Variants in EIF4E1B observed in about 807,000 individuals in gnomAD.
EIF4E1B encodes the protein eukaryotic translation initiation factor 4E type 1B.
EIF4E1B carries 22 observed loss-of-function variants against 31.3 expected under a neutral mutation model. The observed-to-expected ratio is 0.70, with a 90% CI of 0.50 to 1.00. The LOEUF (loss-of-function observed/expected upper bound fraction) is 1.00. EIF4E1B is among the 50% of genes least tolerant of loss of function. The probability of loss-of-function intolerance (pLI) is 0.00; values close to 1 mark genes in which losing one functional copy is unlikely to be tolerated. For missense variants in EIF4E1B, 290 were observed against 311.6 expected (o/e 0.93, Z 0.52); for synonymous variants, 126 against 120.2 (o/e 1.05, Z -0.31).
intron 1 of EIF4E1B, among the ~76,000 whole-genome samples, chr5:176,634,945 G>A (rs1760469861): frequency 6.6e-6 from 1 of 152,134 alleles, no homozygotes; most frequent in African/African-American, 2.4e-5. Flanking sequence ...TGGGATTACA[G>A]GCATGAGCCA....
rs996610932 is a variant in EIF4E1B, at chr5:176,643,197, C to T, written c.131C>T (p.Ser44Phe). 2 of 1,613,680 alleles carry T rather than the reference C, an allele frequency of 1.2e-6. No homozygotes were observed. Among genetic ancestry groups the T allele is most frequent in the South Asian group, 2.2e-5 (2 of 91,072 alleles). The change falls in exon 4 of 9, where the codon TCT (serine) becomes TTT (phenylalanine). Residue 44 changes from serine to phenylalanine, a missense_variant. Coordinates refer to ENST00000318682, the MANE Select transcript of EIF4E1B (RefSeq NM_001099408.2). ...CCAAACTCTCCCAGGACTTTGCTGT[C>T]TCTGAGAGGGAAGGCCCGGACGGGG... is the stretch of plus-strand genomic sequence containing the variant. ...KSPNSPRTLL[S>F]LRGKARTGGP...
intron 1 of EIF4E1B, among the ~76,000 whole-genome samples, chr5:176,639,820 G>A (rs1001999694): frequency 2.0e-5 from 3 of 151,892 alleles, no homozygotes; most frequent in Admixed American, 6.6e-5. Flanking sequence ...CCAGTTTCTC[G>A]GGAGGCTGAG....
chr5:176,639,585 G>T (rs59354980), intron 1 of EIF4E1B, among the ~76,000 whole-genome samples: 1 of 152,060 alleles, frequency 6.6e-6, no homozygotes, highest in Non-Finnish European at 1.5e-5. Flanking sequence ...GACCATGCCC[G>T]GTACTGGGGG....
chr5:176,633,208 G>GTTTT (rs544990650), intron 1 of EIF4E1B, among the ~76,000 whole-genome samples: 39 of 143,244 alleles, frequency 2.7e-4, no homozygotes, highest in African/African-American at 8.2e-4. Flanking sequence ...GCTGTCCAGT[G>GTTTT]TTTTTTTTGT....
Position 176,643,674 on chromosome 5 carries a change from G to C in EIF4E1B, c.236G>C (p.Arg79Pro). Residue 79 changes from arginine (R) to proline (P), a missense_variant, in exon 5 of 9, where the codon CGG (arginine) becomes CCG (proline). Transcript: ENST00000318682. Reference protein sequence around the residue: ...ALWFFKNDRSRAWQDNLHLVT... With the variant: ...ALWFFKNDRSPAWQDNLHLVT... The stretch of plus-strand genomic sequence containing the variant: ...TGGTTCTTCAAGAATGACCGCAGCC[G>C]GGCCTGGCAGGACAACCTGCACCTG... 6.2e-7 allele frequency: 1 copy of C among 1,612,428 alleles called. No homozygotes were observed. Among genetic ancestry groups the C allele is most frequent in the Non-Finnish European group, 8.5e-7 (1 of 1,179,220 alleles).
At chr5:176,640,893 C>T (rs747238606) in intron 1 of EIF4E1B, among the ~76,000 whole-genome samples, 1 of 152,226 alleles carries the variant, frequency 6.6e-6, no homozygotes, top group Non-Finnish European at 1.5e-5. Flanking sequence ...CTCCCCGACC[C>T]AGTTAATTAT....
chr5:176,642,865 C>CCCCCCCCCCCCG lies in EIF4E1B; in HGVS notation c.15+63_15+64insCCCCCCCCCCCG, dbSNP rs56115420. The CCCCCCCCCCCCG allele has an allele frequency of 1.2e-3, 1,402 of 1,172,392 alleles. 152 individuals carry two copies. The highest frequency in any genetic ancestry group is 3.8e-3 in the South Asian group (206 of 54,678). The allele number at this position is 1,172,392 out of a possible 1,614,324, so 72.6% of individuals were successfully genotyped here. ...GCCCCGCCCTCTCCCCCCCCCCCCC[C>CCCCCCCCCCCCG]GCCCCAGGTGGGCGGGGCAGGTGCT... On this transcript the variant is annotated intron_variant, in intron 3 of 8. Transcript: ENST00000318682.
intron 5 of EIF4E1B, 34 bp downstream of exon 5, chr5:176,643,768 G>A: frequency 6.3e-7 from 1 of 1,590,798 alleles, no homozygotes; most frequent in Non-Finnish European, 8.6e-7. Flanking sequence ...CTAGAGTTGG[G>A]GGGCTCTGAG....
intron 5 of EIF4E1B, 111 bp from the exon 6 acceptor site, chr5:176,644,265 C>A: frequency 8.7e-7 from 1 of 1,144,976 alleles, no homozygotes; most frequent in South Asian, 1.6e-5. Context: ...CCAGTGTAAG[C>A]AAAGGCTTGG....
In EIF4E1B at chr5:176,645,534, C is replaced by T; in HGVS notation, c.614+18C>T. ...CACGTTGGGTGAGGAGGGTCTCTGG[C>T]ACAGGGTGGGGACTTGGGTCTCTGC... On this transcript the variant is annotated intron_variant, in intron 8 of 8. Coordinates refer to ENST00000318682, the MANE Select transcript of EIF4E1B (RefSeq NM_001099408.2). This position sits in a 1 kb window ranked among gnomAD's most constrained non-coding sequence, Gnocchi z 5.4. 6.6e-7 allele frequency: 1 copy of T among 1,505,842 alleles called. No homozygotes were observed. Among genetic ancestry groups the T allele is most frequent in the South Asian group, 1.4e-5 (1 of 72,822 alleles). 93.3% of individuals were successfully genotyped at this position (1,505,842 alleles called of 1,614,324 possible). A position where few individuals can be genotyped will look rare whatever the true frequency, so the allele number is the denominator to read the frequency against.
At chr5:176,632,128 A>G (rs144821161) in intron 1 of EIF4E1B, among the ~76,000 whole-genome samples, 35 of 152,386 alleles carry the variant, frequency 2.3e-4, no homozygotes, top group African/African-American at 8.4e-4. Context: ...ATAAGTACTT[A>G]TAATTTTCTA....
In EIF4E1B at chr5:176,645,968, G is replaced by A; in HGVS notation, c.717G>A (p.Lys239=). 1.2e-6 allele frequency: 2 copies of A among 1,605,592 alleles called. No homozygotes were observed. Among genetic ancestry groups the A allele is most frequent in the Admixed American group, 1.7e-5 (1 of 58,876 alleles). ...AGAGCAACTCCCTAGCCAAGAACAA[G>A]TTTGTGGTGTGAGGGGGGCCTTGGC... ...ATKSNSLAKN[K]FVV The change falls in exon 9 of 9, where the codon AAG becomes AAA. Residue 239 remains lysine (K), a synonymous_variant. Coordinates refer to ENST00000318682, the MANE Select transcript of EIF4E1B (RefSeq NM_001099408.2). The surrounding 1 kb of genome is among the most constrained non-coding windows in gnomAD (Gnocchi z 5.4).
At position 176,645,564 on chromosome 5, in the gene EIF4E1B, G is replaced by A; in HGVS notation, c.614+48G>A. 6.7e-7 allele frequency: 1 copy of A among 1,488,832 alleles called. No homozygotes were observed. Among genetic ancestry groups the A allele is most frequent in the South Asian group, 1.4e-5 (1 of 69,618 alleles). 92.2% of individuals were successfully genotyped at this position (1,488,832 alleles called of 1,614,324 possible). A position where few individuals can be genotyped will look rare whatever the true frequency, so the allele number is the denominator to read the frequency against. ...GGTGGGGACTTGGGTCTCTGCTAGA[G>A]GGAAGGTGGGTGGAGGGGGCTTGGC... On this transcript the variant is annotated intron_variant, in intron 8 of 8. Transcript: ENST00000318682. This position sits in a 1 kb window ranked among gnomAD's most constrained non-coding sequence, Gnocchi z 5.4.
At chr5:176,639,790 G>A (rs540585075) in intron 1 of EIF4E1B, among the ~76,000 whole-genome samples, 8 of 152,100 alleles carry the variant, frequency 5.3e-5, no homozygotes, top group African/African-American at 1.7e-4. Context: ...AGCCAGACAT[G>A]GTGGTGTGCA....
rs202095739 is a variant in EIF4E1B, at chr5:176,645,255, G to C, written c.474+12G>C. The C allele has an allele frequency of 3.3e-3, 5,214 of 1,604,178 alleles. 14 individuals are homozygous for C. The highest frequency in any genetic ancestry group is 4.0e-3 in the Non-Finnish European group (4,711 of 1,175,292). ...TGTGGCTGGAGACGGTGAGTTGGAG[G>C]AGGAGGGTCCTCAGGGGAAGAGACG... On this transcript the variant is annotated intron_variant, in intron 7 of 8. Coordinates refer to ENST00000318682, the MANE Select transcript of EIF4E1B (RefSeq NM_001099408.2). The surrounding 1 kb of genome is among the most constrained non-coding windows in gnomAD (Gnocchi z 5.4).
rs115647917 is a variant in EIF4E1B at position 176,642,072 on chromosome 5, C to A, written c.-172C>A. On this transcript the variant is annotated 5_prime_UTR_variant, in exon 2 of 9. Transcript: ENST00000318682. ...GGAAACTGACTCGATGAAGCTCAGG[C>A]CTGGCCGCGGTCAGGGTAGAATCAG... The A allele has an allele frequency of 0.013, 2,015 of 152,788 alleles. 13 individuals are homozygous for A. Among genetic ancestry groups the A allele is most frequent in the Non-Finnish European group, 0.022 (1,478 of 68,060 alleles). The allele number at this position is 152,788 out of a possible 1,614,324, so 9.5% of individuals were successfully genotyped here.
intron 1 of EIF4E1B, among the ~76,000 whole-genome samples, chr5:176,636,403 T>C (rs1375639353): frequency 6.6e-6 from 1 of 152,218 alleles, no homozygotes; most frequent in Non-Finnish European, 1.5e-5. Context: ...TTCCTAGGAA[T>C]GTACTAAGGA....
At position 176,639,768 on chromosome 5, in the gene EIF4E1B, T is replaced by A. The variant is rs1053746610; in HGVS notation, c.-201-2275T>A. On this transcript the variant is annotated intron_variant, in intron 1 of 8. Coordinates refer to ENST00000318682, the MANE Select transcript of EIF4E1B (RefSeq NM_001099408.2). ...TGAGACCTCATCTCTATTTTTTTTT[T>A]AATTGAAAATTAGCCAGACATGGTG... Among the ~76,000 whole-genome samples, 7 of 151,876 alleles carry A rather than the reference T, an allele frequency of 4.6e-5. No individual in the cohort carries two copies. The South Asian group carries it at 6.2e-4, about 14-fold the overall frequency.
intron 4 of EIF4E1B, 44 bp downstream of exon 4, chr5:176,643,310 G>A: frequency 6.3e-7 from 1 of 1,589,138 alleles, no homozygotes; most frequent in Non-Finnish European, 8.6e-7. Flanking sequence ...TTGCTTTCAG[G>A]CCAGCCTCTG....
Sources: allele counts gnomAD v4.1 joint callset (sites outside exome capture counted in the v4.1 genomes callset), GRCh38; gene constraint gnomAD v4.1.1; non-coding constraint Gnocchi (gnomAD v3.1); transcripts MANE v1.5; gene names NCBI Gene and HGNC (gene_info 2026-07-23, HGNC 2026-07-21).